The following WNT3 variants were observed in gnomAD, a reference collection of about 807,000 sequenced individuals.
WNT3 encodes the protein Wnt family member 3.
A neutral mutation model predicts 34.2 loss-of-function variants in WNT3; 7 were observed. The observed-to-expected ratio is 0.20, with a 90% CI of 0.12 to 0.38. The LOEUF (loss-of-function observed/expected upper bound fraction) is 0.38, where lower values mean the gene tolerates loss of function less well. Among genes scored for constraint, WNT3 ranks in the 10% least tolerant of loss-of-function variants. WNT3 has a pLI of 1.00. For synonymous variants in WNT3, 212 were observed against 211.5 expected (o/e 1.00, Z -0.02); for missense variants, 267 against 499.8 (o/e 0.53, Z 4.44).
chr17:46,799,591 G>A (rs541627116), intron 1 of WNT3, among the ~76,000 whole-genome samples: 62 of 151,966 alleles, frequency 4.1e-4, no homozygotes, highest in African/African-American at 1.4e-3. Context: ...GGGATTACAG[G>A]TGTGCGCCAC....
chr17:46,770,338 A>ATT (rs1232413459), intron 2 of WNT3, among the ~76,000 whole-genome samples: 8 of 152,180 alleles, frequency 5.3e-5, no homozygotes, highest in Non-Finnish European at 1.2e-4. Context: ...CGCCGACACC[A>ATT]AACCTCTGGC....
intron 1 of WNT3, among the ~76,000 whole-genome samples, chr17:46,797,634 C>G (rs1253819731): frequency 6.6e-6 from 1 of 152,232 alleles, no homozygotes; most frequent in Non-Finnish European, 1.5e-5. Flanking sequence ...ACCCAAAGTT[C>G]CACGCCTAGG....
chr17:46,782,037 T>C (rs931598053), intron 1 of WNT3, among the ~76,000 whole-genome samples: 2 of 152,116 alleles, frequency 1.3e-5, no homozygotes, highest in Non-Finnish European at 2.9e-5. Context: ...TGGCTTCACA[T>C]GGGTGGAGCT....
rs140415122 is a variant in WNT3 at position 46,816,141 on chromosome 17, G to A, written c.80+2377C>T. Among the ~76,000 whole-genome samples the A allele has an allele frequency of 0.016, 431 of 26,254 alleles. 4 individuals are homozygous for A. The East Asian group carries it at 0.4, about 24-fold the overall frequency. The allele number at this position is 26,254 out of a possible 152,430, so 17.2% of individuals were successfully genotyped here. A position where few individuals can be genotyped will look rare whatever the true frequency, so the allele number is the denominator to read the frequency against. On this transcript the variant is annotated intron_variant, in intron 1 of 4. Transcript: ENST00000225512. The stretch of plus-strand genomic sequence containing the variant: ...CACACACACACACACTCACACACAC[G>A]CACGCACGCACACACACACTCACAT...
At chr17:46,808,463 A>G (rs1436849510) in intron 1 of WNT3, among the ~76,000 whole-genome samples, 1 of 152,226 alleles carries the variant, frequency 6.6e-6, no homozygotes, top group East Asian at 1.9e-4. Context: ...CCCCAATAAC[A>G]AGTCCACAAC....
chr17:46,773,005 C>T (rs926926355), intron 2 of WNT3, among the ~76,000 whole-genome samples: 3 of 152,146 alleles, frequency 2.0e-5, no homozygotes, highest in African/African-American at 7.2e-5. Flanking sequence ...CCCCCAAGTC[C>T]CCTTCTTGGG....
At chr17:46,783,846 C>T (rs1335294601) in intron 1 of WNT3, among the ~76,000 whole-genome samples, 4 of 152,218 alleles carry the variant, frequency 2.6e-5, no homozygotes, top group African/African-American at 9.7e-5. Flanking sequence ...GGGGAAGCAG[C>T]TAGAAAGGGG....
chr17:46,788,889 T>C (rs557338673), intron 1 of WNT3, among the ~76,000 whole-genome samples: 2 of 152,308 alleles, frequency 1.3e-5, no homozygotes, highest in South Asian at 4.2e-4. Flanking sequence ...CCCTGCTGGC[T>C]CTCTGGGCCT....
At chr17:46,766,160 G>A (rs981607104) in intron 4 of WNT3, among the ~76,000 whole-genome samples, 11 of 152,302 alleles carry the variant, frequency 7.2e-5, no homozygotes, top group African/African-American at 2.6e-4. Context: ...TGTAATCCCA[G>A]CACTTTGAGG....
At chr17:46,769,274 C>A (rs1287192737) in intron 3 of WNT3, among the ~76,000 whole-genome samples, 1 of 149,142 alleles carries the variant, frequency 6.7e-6, no homozygotes, top group Non-Finnish European at 1.5e-5. Flanking sequence ...CAAGATCCAG[C>A]CACTGCACTC....
At chr17:46,783,590 G>C (rs1257550136) in intron 1 of WNT3, among the ~76,000 whole-genome samples, 1 of 152,186 alleles carries the variant, frequency 6.6e-6, no homozygotes, top group Non-Finnish European at 1.5e-5. Context: ...ATGGTCCCAA[G>C]GCACTTGTAA....
chr17:46,797,753 C>T (rs975192587), intron 1 of WNT3, among the ~76,000 whole-genome samples: 16 of 152,140 alleles, frequency 1.1e-4, no homozygotes, highest in African/African-American at 2.9e-4. Flanking sequence ...TATTATGCAA[C>T]TGTGAGCATG....
At chr17:46,775,602 A>G (rs2059406178) in intron 1 of WNT3, among the ~76,000 whole-genome samples, 1 of 149,484 alleles carries the variant, frequency 6.7e-6, no homozygotes, top group African/African-American at 2.5e-5. Context: ...AGCAGCAGCC[A>G]GAAGTTCTTT....
Position 46,795,827 on chromosome 17 carries a change from CT to C in WNT3, c.81-21919del, listed in dbSNP as rs570714744. ...TTCTCAGATAACTCCTTCTCCTTCACTTGTGCACTCTTGCTCTCTGTCTCTC... is the reference window on the plus strand; with the variant it reads ...TTCTCAGATAACTCCTTCTCCTTCACTGTGCACTCTTGCTCTCTGTCTCTC... On this transcript the variant is annotated intron_variant, in intron 1 of 4. Transcript: ENST00000225512. 3.7e-4 allele frequency among the ~76,000 whole-genome samples: 57 copies of C among 152,332 alleles called. 2 individuals are homozygous for C. In the South Asian group the frequency reaches 7.9e-3, roughly 21 times the overall value.
intron 1 of WNT3, among the ~76,000 whole-genome samples, chr17:46,817,639 C>A (rs1288738740): frequency 6.9e-6 from 1 of 145,390 alleles, no homozygotes; most frequent in Non-Finnish European, 1.5e-5. Flanking sequence ...CACAGCCCCC[C>A]CCAAGCACTG....
chr17:46,786,011 GT>G (rs1469243084), intron 1 of WNT3, among the ~76,000 whole-genome samples: 1 of 152,224 alleles, frequency 6.6e-6, no homozygotes, highest in African/African-American at 2.4e-5. Flanking sequence ...GTTTAAACCT[GT>G]TTTTTGTTGT....
At position 46,768,886 on chromosome 17, in the gene WNT3, C is replaced by A; in HGVS notation, c.589-87G>T. On this transcript the variant is annotated intron_variant, in intron 3 of 4. Coordinates refer to ENST00000225512, the MANE Select transcript of WNT3 (RefSeq NM_030753.5). This position sits in a 1 kb window ranked among gnomAD's most constrained non-coding sequence, Gnocchi z 5.0. ...TTCCCTCTCTGCCACTGCCCACCCCCTTCCCTCCAGCCTTCTCTACTCCTC... is the reference window on the plus strand; with the variant it reads ...TTCCCTCTCTGCCACTGCCCACCCCATTCCCTCCAGCCTTCTCTACTCCTC... The A allele has an allele frequency of 6.5e-7, 1 of 1,548,560 alleles. No individual in the cohort carries two copies. Among genetic ancestry groups the A allele is most frequent in the Non-Finnish European group, 8.7e-7 (1 of 1,150,340 alleles).
chr17:46,773,618 ATCCCTCCCCCCACCCAG>A, intron 2 of WNT3, 33 bp downstream of exon 2: 2 of 465,222 alleles, frequency 4.3e-6, no homozygotes, highest in East Asian at 7.0e-5. Flanking sequence ...TACAGTCCTG[ATCCCTCCCCCCACCCAG>A]CCCCTCCCCC....
At chr17:46,798,556 G>A (rs1035151052) in intron 1 of WNT3, among the ~76,000 whole-genome samples, 1 of 152,182 alleles carries the variant, frequency 6.6e-6, no homozygotes, top group Non-Finnish European at 1.5e-5. Flanking sequence ...CCTTCTCAGA[G>A]TTTAGCAGCC....
Sources: gnomAD v4.1 joint callset for allele counts (sites outside exome capture counted in the v4.1 genomes callset) on GRCh38, gnomAD v4.1.1 for gene constraint, Gnocchi (gnomAD v3.1) non-coding constraint, MANE v1.5 for transcripts, NCBI Gene and HGNC (gene_info 2026-07-23, HGNC 2026-07-21) for gene names.